The following MED12L variants were observed in gnomAD, a reference collection of about 807,000 sequenced individuals.
MED12L encodes the protein mediator complex subunit 12L, also known as mediator of RNA polymerase II transcription subunit 12-like protein.
Under a neutral mutation model 281.3 loss-of-function variants are expected in MED12L, and 60 were observed. That is an observed-to-expected ratio of 0.21 (90% CI 0.17 to 0.26). MED12L has a LOEUF of 0.26. MED12L is among the 10% of genes least tolerant of loss of function. The pLI is 1.00. For missense variants in MED12L, 2,146 were observed against 2,680.9 expected (o/e 0.80, Z 4.41); for synonymous variants, 974 against 987.2 (o/e 0.99, Z 0.25).
At chr3:151,309,043 C>A (rs1276203543) in intron 16 of MED12L, among the ~76,000 whole-genome samples, 1 of 151,812 alleles carries the variant, frequency 6.6e-6, no homozygotes, top group Non-Finnish European at 1.5e-5. Flanking sequence ...CTCATGAATA[C>A]AAATAAATAA....
At chr3:151,259,266 A>G (rs1738419151) in intron 16 of MED12L, among the ~76,000 whole-genome samples, 1 of 152,242 alleles carries the variant, frequency 6.6e-6, no homozygotes, top group Admixed American at 6.5e-5. Context: ...GCTTTCCTTC[A>G]GAAATAGGCA....
Position 151,345,757 on chromosome 3 carries a change from A to T in MED12L, c.2251-4302A>T, listed in dbSNP as rs1752463205. ...GGTCTCGAACTCATGACCTCAGGTG[A>T]TCCTCCACCTCAGCCTCCCAAAGTG... is the stretch of plus-strand genomic sequence containing the variant. On this transcript the variant is annotated intron_variant, in intron 16 of 44. Coordinates refer to ENST00000687756, the MANE Select transcript of MED12L (RefSeq NM_001393769.1). Among the ~76,000 whole-genome samples, 6 of 152,070 alleles carry T rather than the reference A, an allele frequency of 3.9e-5. No homozygotes were observed. In the South Asian group the frequency reaches 1.2e-3, roughly 32 times the overall value.
intron 16 of MED12L, among the ~76,000 whole-genome samples, chr3:151,313,910 G>C (rs934774611): frequency 7.1e-6 from 1 of 141,284 alleles, no homozygotes; most frequent in Non-Finnish European, 1.5e-5. Flanking sequence ...GTGACAGAGC[G>C]AGACTCCGTC....
rs545978263 is a variant in MED12L, at chr3:151,313,145, G to C, written c.2251-36914G>C. ...GGCAGAGCCTGGATTTGAACAGAACGTAAGCCCATCTCAGTGCTGTGCTCC... is the reference window on the plus strand; with the variant it reads ...GGCAGAGCCTGGATTTGAACAGAACCTAAGCCCATCTCAGTGCTGTGCTCC... On this transcript the variant is annotated intron_variant, in intron 16 of 44. Transcript: ENST00000687756. Among the ~76,000 whole-genome samples, 10 of 152,250 alleles carry C rather than the reference G, an allele frequency of 6.6e-5. No homozygotes were observed. In the South Asian group the frequency reaches 2.1e-3, roughly 32 times the overall value.
chr3:151,412,499 C>G (rs146305101), intron 41 of MED12L, among the ~76,000 whole-genome samples: 206 of 152,318 alleles, frequency 1.4e-3, no homozygotes, highest in African/African-American at 4.5e-3. Flanking sequence ...CAGCTCCCAT[C>G]TGTTACCATC....
intron 16 of MED12L, among the ~76,000 whole-genome samples, chr3:151,315,233 G>T (rs1241653691): frequency 6.6e-6 from 1 of 152,094 alleles, no homozygotes; most frequent in Non-Finnish European, 1.5e-5. Flanking sequence ...GAAATATTTT[G>T]TTGTTGTGGT....
intron 20 of MED12L, 45 bp from the exon 21 acceptor site, chr3:151,360,429 T>C: frequency 6.3e-7 from 1 of 1,582,762 alleles, no homozygotes; most frequent in Non-Finnish European, 8.6e-7. Context: ...ATAACCCACA[T>C]AGTACAAATC....
chr3:151,223,183 A>AAAAC (rs1287436936), intron 16 of MED12L, among the ~76,000 whole-genome samples: 5 of 151,092 alleles, frequency 3.3e-5, no homozygotes, highest in Non-Finnish European at 7.4e-5. Context: ...TCCAAAAAAA[A>AAAAC]AAAAAAACTA....
intron 16 of MED12L, among the ~76,000 whole-genome samples, chr3:151,305,344 C>T (rs574119760): frequency 7.9e-5 from 12 of 152,300 alleles, no homozygotes; most frequent in African/African-American, 1.4e-4. Context: ...TAGATGGTAT[C>T]GCTGCTTAGA....
At chr3:151,352,904 T>C (rs10935839) in intron 17 of MED12L, among the ~76,000 whole-genome samples, 62,436 of 152,022 alleles carry the variant, frequency 0.41, 13,255 homozygotes, top group African/African-American at 0.51. Context: ...AATAATATGT[T>C]ATAAAAGCAA....
intron 40 of MED12L, 50 bp downstream of exon 40, chr3:151,409,382 T>C (rs773348264): frequency 3.2e-6 from 5 of 1,546,732 alleles, no homozygotes; most frequent in Non-Finnish European, 4.5e-6. Flanking sequence ...AAGCTCTTTA[T>C]TGGAGGTGGG....
At chr3:151,418,985 G>A (rs1044382995) in intron 43 of MED12L, among the ~76,000 whole-genome samples, 3 of 152,072 alleles carry the variant, frequency 2.0e-5, no homozygotes, top group Non-Finnish European at 4.4e-5. Flanking sequence ...ATCGCTTCAA[G>A]CATTTCTAAT....
intron 11 of MED12L, among the ~76,000 whole-genome samples, chr3:151,180,794 A>G (rs1722612662): frequency 6.6e-6 from 1 of 152,224 alleles, no homozygotes; most frequent in African/African-American, 2.4e-5. Flanking sequence ...ACTCTTCTGC[A>G]CAGACTTGGA....
At position 151,433,477 on chromosome 3, in the gene MED12L, G is replaced by A. The variant is rs1719756183; in HGVS notation, c.*673G>A. The A allele has an allele frequency of 6.6e-6, 1 of 152,618 alleles. No homozygotes were observed. The highest frequency in any genetic ancestry group is 6.5e-5 in the Admixed American group (1 of 15,282). 9.5% of individuals were successfully genotyped at this position (152,618 alleles called of 1,614,324 possible). ...CAAGAACCTAAACCAAGGTTTCTTT[G>A]AGAGCCGCCCTAAGATGTGCGGAAA... On this transcript the variant is annotated 3_prime_UTR_variant, in exon 45 of 45. Coordinates refer to ENST00000687756, the MANE Select transcript of MED12L (RefSeq NM_001393769.1).
intron 2 of MED12L, among the ~76,000 whole-genome samples, chr3:151,105,717 A>G (rs1235526409): frequency 6.6e-6 from 1 of 152,156 alleles, no homozygotes; most frequent in African/African-American, 2.4e-5. Context: ...AGCCATCTCC[A>G]GGCTTCAGTC....
At chr3:151,313,088 A>G (rs1747766346) in intron 16 of MED12L, among the ~76,000 whole-genome samples, 1 of 152,148 alleles carries the variant, frequency 6.6e-6, no homozygotes, top group Admixed American at 6.5e-5. Flanking sequence ...CTGGAGTGCT[A>G]GAGCTTGCCC....
intron 5 of MED12L, among the ~76,000 whole-genome samples, chr3:151,141,293 A>T (rs1716995504): frequency 1.3e-5 from 2 of 149,832 alleles, no homozygotes; most frequent in Non-Finnish European, 2.9e-5. Flanking sequence ...AAGTGCTGGG[A>T]TTACAGGCAT....
At chr3:151,366,630 T>G (rs2107930645) in intron 23 of MED12L, among the ~76,000 whole-genome samples, 1 of 152,340 alleles carries the variant, frequency 6.6e-6, no homozygotes, top group South Asian at 2.1e-4. Flanking sequence ...GTAGTCTTTG[T>G]CGTACACTAG....
At chr3:151,284,334 A>T (rs1458357041) in intron 16 of MED12L, among the ~76,000 whole-genome samples, 1 of 151,828 alleles carries the variant, frequency 6.6e-6, no homozygotes, top group Admixed American at 6.6e-5. Context: ...CATTATGTAG[A>T]TCAGTCATCT....
Sources: gnomAD v4.1 joint callset for allele counts (sites outside exome capture counted in the v4.1 genomes callset) on GRCh38, gnomAD v4.1.1 for gene constraint, MANE v1.5 for transcripts, NCBI Gene and HGNC (gene_info 2026-07-23, HGNC 2026-07-21) for gene names.